The following NTM variants were observed in gnomAD, a reference collection of about 807,000 sequenced individuals.
NTM encodes IgLON family member 2.
A neutral mutation model predicts 42.1 loss-of-function variants in NTM; 13 were observed. The ratio of observed to expected loss-of-function variants is 0.31; its 90% CI spans 0.20 to 0.49. NTM has a LOEUF of 0.49. Among genes scored for constraint, NTM ranks in the 20% least tolerant of loss-of-function variants. The pLI is 0.99. For synonymous variants in NTM, 187 were observed against 179.2 expected (o/e 1.04, Z -0.35); for missense variants, 373 against 452.8 (o/e 0.82, Z 1.60).
intron 2 of NTM, among the ~76,000 whole-genome samples, chr11:132,010,669 C>T (rs1216679596): frequency 4.1e-5 from 6 of 147,636 alleles, no homozygotes; most frequent in African/African-American, 5.0e-5. Context: ...GAACTCTTTA[C>T]GGCAACTGAT....
intron 2 of NTM, among the ~76,000 whole-genome samples, chr11:132,085,501 T>C (rs2059592547): frequency 6.6e-6 from 1 of 152,240 alleles, no homozygotes; most frequent in Non-Finnish European, 1.5e-5. Flanking sequence ...ATCTGACCCG[T>C]ATAATTTAGA....
chr11:131,395,787 C>T (rs1247773749), intron 1 of NTM, among the ~76,000 whole-genome samples: 2 of 152,172 alleles, frequency 1.3e-5, no homozygotes. Context: ...GGCTGATTTC[C>T]TCTGTTCTTT....
intron 1 of NTM, among the ~76,000 whole-genome samples, chr11:131,436,183 A>G (rs4937622): frequency 0.99 from 151,065 of 152,330 alleles, 74,909 homozygotes; most frequent in East Asian, 1. Context: ...GCTAGATTCG[A>G]TTTGCCAGTA....
At chr11:132,320,351 T>C (rs2095533246) in intron 7 of NTM, among the ~76,000 whole-genome samples, 1 of 152,190 alleles carries the variant, frequency 6.6e-6, no homozygotes, top group African/African-American at 2.4e-5. Context: ...GGGCGAGGCA[T>C]TGCCTCACTC....
chr11:132,151,300 G>A (rs1458542014), intron 3 of NTM, among the ~76,000 whole-genome samples: 2 of 152,194 alleles, frequency 1.3e-5, no homozygotes, highest in Admixed American at 6.5e-5. Flanking sequence ...TTGAGAAGAC[G>A]TCTAAAAGGC....
chr11:132,053,109 A>G (rs2135939870), intron 2 of NTM, among the ~76,000 whole-genome samples: 1 of 152,348 alleles, frequency 6.6e-6, no homozygotes, highest in South Asian at 2.1e-4. Flanking sequence ...AATGATGAGC[A>G]TCTCAGCCCT....
At chr11:131,589,125 C>T (rs2059135891) in intron 1 of NTM, among the ~76,000 whole-genome samples, 1 of 151,424 alleles carries the variant, frequency 6.6e-6, no homozygotes, top group Admixed American at 6.6e-5. Flanking sequence ...GAGATTAACA[C>T]AGCAGTTATA....
chr11:131,398,862 T>C (rs1386634716), intron 1 of NTM, among the ~76,000 whole-genome samples: 2 of 152,220 alleles, frequency 1.3e-5, no homozygotes, highest in Non-Finnish European at 2.9e-5. Context: ...ACTTCTATTA[T>C]ATAATATAGT....
At chr11:132,320,675 C>CA (rs2095542892) in intron 7 of NTM, among the ~76,000 whole-genome samples, 1 of 152,158 alleles carries the variant, frequency 6.6e-6, no homozygotes. Flanking sequence ...GAGCCCACCA[C>CA]AGCTCAAGGA....
intron 1 of NTM, among the ~76,000 whole-genome samples, chr11:131,582,627 G>A (rs2058509556): frequency 6.6e-6 from 1 of 151,336 alleles, no homozygotes; most frequent in African/African-American, 2.4e-5. Context: ...CTCCTGCATC[G>A]GCAAGAGGAG....
intron 1 of NTM, among the ~76,000 whole-genome samples, chr11:131,859,249 T>G (rs1310360080): frequency 4.6e-5 from 7 of 152,226 alleles, no homozygotes; most frequent in African/African-American, 1.4e-4. Flanking sequence ...CTAAGAGTGC[T>G]CTAAAAATCT....
At chr11:131,552,250 T>C (rs534190363) in intron 1 of NTM, among the ~76,000 whole-genome samples, 1 of 152,282 alleles carries the variant, frequency 6.6e-6, no homozygotes, top group South Asian at 2.1e-4. Flanking sequence ...AACGACGTCA[T>C]GTCATGGTAA....
intron 2 of NTM, among the ~76,000 whole-genome samples, chr11:132,071,716 G>A (rs1357151539): frequency 6.6e-6 from 1 of 152,140 alleles, no homozygotes; most frequent in Admixed American, 6.5e-5. Flanking sequence ...ATTATATGGG[G>A]TGTGCGTTTT....
chr11:132,107,818 G>T lies in NTM; in HGVS notation c.168-38464G>T, dbSNP rs1403425466. 2.6e-5 allele frequency among the ~76,000 whole-genome samples: 4 copies of T among 151,996 alleles called. No individual in the cohort carries two copies. In the East Asian group the frequency reaches 7.7e-4, roughly 29 times the overall value. ...TCTTTGTCCAGCTTTTCTAAGCTCT[G>T]CATGGTGCACTACACCATCTTGAAT... On this transcript the variant is annotated intron_variant, in intron 2 of 8. Coordinates refer to ENST00000683400, the MANE Select transcript of NTM (RefSeq NM_001352005.2).
At chr11:132,157,683 C>T (rs1279776004) in intron 3 of NTM, among the ~76,000 whole-genome samples, 19 of 152,114 alleles carry the variant, frequency 1.2e-4, no homozygotes, top group Admixed American at 1.2e-3. Flanking sequence ...TTTTTCTCCA[C>T]TATGTGTCTC....
At position 131,666,294 on chromosome 11, in the gene NTM, C is replaced by T. The variant is rs193186738; in HGVS notation, c.83-245270C>T. Among the ~76,000 whole-genome samples, 248 of 152,284 alleles carry T rather than the reference C, an allele frequency of 1.6e-3. 2 individuals carry two copies. The highest frequency in any genetic ancestry group is 5.8e-3 in the African/African-American group (240 of 41,556). ...GAATATGGCTCATGAGATGTCCACA[C>T]CCTGCCCCTGGCCCTGCCTCCTGTC... On this transcript the variant is annotated intron_variant, in intron 1 of 8. Transcript: ENST00000683400.
Position 131,641,966 on chromosome 11 carries a change from C to T in NTM, c.83-269598C>T, listed in dbSNP as rs186335685. Among the ~76,000 whole-genome samples, 329 of 152,220 alleles carry T rather than the reference C, an allele frequency of 2.2e-3. 2 individuals are homozygous for T. The highest frequency in any genetic ancestry group is 7.4e-3 in the African/African-American group (309 of 41,524). The stretch of plus-strand genomic sequence containing the variant: ...GGTCTCGATCTCCTGACCTCATGAT[C>T]CACCTGCCTTGGCCTCCCTAAGTGC... On this transcript the variant is annotated intron_variant, in intron 1 of 8. Coordinates refer to ENST00000683400, the MANE Select transcript of NTM (RefSeq NM_001352005.2).
chr11:132,006,724 G>A (rs1380203955), intron 2 of NTM, among the ~76,000 whole-genome samples: 11 of 152,232 alleles, frequency 7.2e-5, no homozygotes, highest in Admixed American at 3.9e-4. Flanking sequence ...CAAAGAATGA[G>A]TGTAGACCAG....
chr11:132,177,719 A>C (rs1394825957), intron 3 of NTM, among the ~76,000 whole-genome samples: 2 of 152,212 alleles, frequency 1.3e-5, no homozygotes, highest in African/African-American at 4.8e-5. Flanking sequence ...GCCTAAAGCT[A>C]ATAAAAAATC....
Sources: gnomAD v4.1 joint callset for allele counts (sites outside exome capture counted in the v4.1 genomes callset) on GRCh38, gnomAD v4.1.1 for gene constraint, MANE v1.5 for transcripts, NCBI Gene and HGNC (gene_info 2026-07-23, HGNC 2026-07-21) for gene names.